Variants in WDR93 observed in about 807,000 individuals in gnomAD.
The protein encoded by WDR93 is WD repeat domain 93.
WDR93 carries 73 observed loss-of-function variants against 82.9 expected under a neutral mutation model. The ratio of observed to expected loss-of-function variants is 0.88; its 90% confidence interval spans 0.73 to 1.07. The LOEUF is 1.07. Ranked by LOEUF, WDR93 falls within the 50% of genes least tolerant of loss-of-function variation. The pLI is 0.00. For synonymous variants in WDR93, 283 were observed against 300.1 expected (o/e 0.94, Z 0.59); for missense variants, 738 against 826.0 (o/e 0.89, Z 1.31).
chr15:89,714,779 T>C (rs74813592), intron 5 of WDR93, among the ~76,000 whole-genome samples: 3,586 of 152,246 alleles, frequency 0.024, 156 homozygotes, highest in African/African-American at 0.082. Flanking sequence ...AGGGGATAAC[T>C]CTCCATGGGA....
intron 4 of WDR93, among the ~76,000 whole-genome samples, chr15:89,710,865 C>A (rs1965943806): frequency 6.6e-6 from 1 of 152,174 alleles, no homozygotes. Context: ...CTGACTTTTT[C>A]ATATGGGCAA....
intron 7 of WDR93, 101 bp downstream of exon 7, chr15:89,717,050 T>C (rs1354605858): frequency 8.9e-5 from 55 of 621,116 alleles, no homozygotes; most frequent in East Asian, 4.6e-4. Flanking sequence ...TCTTTCTTTT[T>C]TTTTTTTTTT....
At chr15:89,732,219 A>T (rs755253) in intron 12 of WDR93, among the ~76,000 whole-genome samples, 83,660 of 152,042 alleles carry the variant, frequency 0.55, 23,748 homozygotes, top group South Asian at 0.6. Flanking sequence ...AGATGTATTT[A>T]CCTAGAGAGT....
At chr15:89,722,018 C>G in intron 7 of WDR93, 37 bp from the exon 8 acceptor site, 1 of 1,364,574 alleles carries the variant, frequency 7.3e-7, no homozygotes, top group Non-Finnish European at 1.0e-6. Context: ...TTCCTCTCTT[C>G]TCTTGGCTTA....
chr15:89,702,813 A>G, intron 2 of WDR93, 137 bp from the exon 3 acceptor site: 1 of 965,768 alleles, frequency 1.0e-6, no homozygotes, highest in Non-Finnish European at 1.5e-6. Context: ...TGCTGGGATT[A>G]CAGGCGTTAG....
chr15:89,720,820 G>A (rs974124520), intron 7 of WDR93, among the ~76,000 whole-genome samples: 13 of 152,170 alleles, frequency 8.5e-5, no homozygotes, highest in African/African-American at 2.7e-4. Context: ...GCTGTTATTG[G>A]TCAGGCTATT....
intron 13 of WDR93, among the ~76,000 whole-genome samples, chr15:89,734,195 C>A (rs1049016374): frequency 6.6e-6 from 1 of 152,182 alleles, no homozygotes; most frequent in Non-Finnish European, 1.5e-5. Context: ...TAACAAACCA[C>A]CCCAAAACTT....
chr15:89,712,091 C>G lies in WDR93; in HGVS notation c.627C>G (p.Ala209=). 1 of 1,612,402 alleles carries G rather than the reference C, an allele frequency of 6.2e-7. No homozygotes were observed. The highest frequency in any genetic ancestry group is 8.5e-7 in the Non-Finnish European group (1 of 1,179,110). Residue 209 remains alanine (A), a synonymous_variant, in exon 5 of 17, where the codon GCC becomes GCG. Transcript: ENST00000268130. The stretch of plus-strand genomic sequence containing the variant: ...TCTCTCAAGGAGGGGACTTTGCAGC[C>G]TTCCTCCTACAAGGCAAGATTAACC... The part of the protein sequence containing the change: ...MEISQGGDFA[A]FLLQGAGDIW...
intron 1 of WDR93, among the ~76,000 whole-genome samples, chr15:89,694,077 T>A (rs1466568360): frequency 1.3e-5 from 2 of 152,184 alleles, no homozygotes; most frequent in African/African-American, 2.4e-5. Flanking sequence ...TCTTTTTAAC[T>A]TTAGGCATTT....
At chr15:89,736,299 G>A (rs1234273091) in intron 14 of WDR93, among the ~76,000 whole-genome samples, 1 of 152,334 alleles carries the variant, frequency 6.6e-6, no homozygotes, top group East Asian at 1.9e-4. Flanking sequence ...CTTCAGGCCT[G>A]GAGAGAAAGT....
At chr15:89,720,307 CT>C (rs760305118) in intron 7 of WDR93, among the ~76,000 whole-genome samples, 23 of 152,112 alleles carry the variant, frequency 1.5e-4, no homozygotes, top group Admixed American at 1.1e-3. Flanking sequence ...GAGTCTCATT[CT>C]GTTGCTCAGA....
intron 13 of WDR93, 25 bp downstream of exon 13, chr15:89,733,244 G>C: frequency 6.3e-7 from 1 of 1,599,782 alleles, no homozygotes; most frequent in Non-Finnish European, 8.5e-7. Context: ...GGTGGGACGG[G>C]GTAAATAATT....
intron 16 of WDR93, among the ~76,000 whole-genome samples, chr15:89,743,011 T>A (rs1334840671): frequency 6.6e-6 from 1 of 152,244 alleles, no homozygotes; most frequent in East Asian, 1.9e-4. Context: ...TTGTGTGTAA[T>A]ACCACAGCTT....
At chr15:89,709,390 C>A (rs910715356) in intron 4 of WDR93, among the ~76,000 whole-genome samples, 1 of 151,958 alleles carries the variant, frequency 6.6e-6, no homozygotes, top group Non-Finnish European at 1.5e-5. Context: ...AGTGCAGCAT[C>A]TGGTTTTTAA....
rs576328400 is a variant in WDR93 at position 89,716,205 on chromosome 15, C to CT, written c.757-705dup. 9.2e-5 allele frequency among the ~76,000 whole-genome samples: 14 copies of CT among 152,312 alleles called. No individual in the cohort carries two copies. In the South Asian group the frequency reaches 1.2e-3, roughly 14 times the overall value. ...TTACTAGCCCAGAGATATTCCTCCT[C>CT]TAAGCTATTACAGAATGTTATTATT... On this transcript the variant is annotated intron_variant, in intron 6 of 16. Transcript: ENST00000268130.
intron 4 of WDR93, 138 bp downstream of exon 4, chr15:89,705,756 T>C (rs1965700138): frequency 1.5e-6 from 1 of 665,654 alleles, no homozygotes; most frequent in Non-Finnish European, 2.7e-6. Context: ...TCCTCCAAAA[T>C]ATCCATTTAA....
intron 14 of WDR93, among the ~76,000 whole-genome samples, chr15:89,736,859 T>C (rs904328190): frequency 5.3e-5 from 8 of 151,260 alleles, no homozygotes; most frequent in African/African-American, 1.7e-4. Context: ...TGGTGCAATC[T>C]TGGCTCACTG....
rs944248264 is a variant in WDR93 at position 89,711,946 on chromosome 15, G to T, written c.562-80G>T. 3.6e-6 allele frequency: 4 copies of T among 1,106,664 alleles called. No individual in the cohort carries two copies. The African/African-American group carries it at 4.7e-5, about 13-fold the overall frequency. 68.6% of individuals were successfully genotyped at this position (1,106,664 alleles called of 1,614,324 possible). On this transcript the variant is annotated intron_variant, in intron 4 of 16. Coordinates refer to ENST00000268130, the MANE Select transcript of WDR93 (RefSeq NM_020212.2). ...GGTTTAAAAGGATCTCTGTTCCTGG[G>T]TGCAGACCACAGAAGGTCCTGAAAT...
At chr15:89,737,766 T>C in intron 15 of WDR93, 37 bp downstream of exon 15, 1 of 1,612,244 alleles carries the variant, frequency 6.2e-7, no homozygotes, top group Non-Finnish European at 8.5e-7. Context: ...CCACTGACCA[T>C]TTCCCTGACT....
Sources: gnomAD v4.1 joint callset for allele counts (sites outside exome capture counted in the v4.1 genomes callset) on GRCh38, gnomAD v4.1.1 for gene constraint, MANE v1.5 for transcripts, NCBI Gene and HGNC (gene_info 2026-07-23, HGNC 2026-07-21) for gene names.